Variants in COA1 observed in about 807,000 individuals in gnomAD.
The protein encoded by COA1 is cytochrome c oxidase assembly factor 1 homolog.
COA1 carries 13 observed loss-of-function variants against 16.0 expected under a neutral mutation model. The ratio of observed to expected loss-of-function variants is 0.81; its 90% CI spans 0.53 to 1.29. The LOEUF is 1.29. Among genes scored for constraint, COA1 ranks in the 50% most tolerant of loss-of-function variants. COA1 has a pLI of 0.00. For synonymous variants in COA1, 65 were observed against 65.7 expected, an observed-to-expected ratio of 0.99 and a Z score of 0.05; for missense variants, 179 against 177.0, an observed-to-expected ratio of 1.01 and a Z score of -0.06.
At chr7:43,644,819 G>GAGAA (rs2088734003) in intron 4 of COA1, among the ~76,000 whole-genome samples, 5 of 147,342 alleles carry the variant, frequency 3.4e-5, no homozygotes. Context: ...GAGAGAGAGA[G>GAGAA]AGAGAGAGAG....
At chr7:43,663,687 A>ACACAC (rs34121130) in intron 1 of COA1, among the ~76,000 whole-genome samples, 3 of 129,264 alleles carry the variant, frequency 2.3e-5, no homozygotes, top group Admixed American at 8.1e-5. Flanking sequence ...AAAAAAAAAA[A>ACACAC]ACACACACAC....
In COA1 at chr7:43,673,956, A is replaced by G. The variant is rs187801444; in HGVS notation, c.-38-25304T>C. Among the ~76,000 whole-genome samples the G allele has an allele frequency of 2.3e-3, 335 of 147,064 alleles. 2 individuals are homozygous for G. The highest frequency in any genetic ancestry group is 7.8e-3 in the African/African-American group (323 of 41,344). The stretch of plus-strand genomic sequence containing the variant: ...GGAGCTAAACATTGGATATGTATAG[A>G]CACAAAGAAAGGCACAACAGACACC... On this transcript the variant is annotated intron_variant, in intron 1 of 5. Transcript: ENST00000223336.
intron 1 of COA1, among the ~76,000 whole-genome samples, chr7:43,727,577 T>C (rs892141480): frequency 6.6e-6 from 1 of 152,068 alleles, no homozygotes; most frequent in Non-Finnish European, 1.5e-5. Flanking sequence ...CAGATGAACA[T>C]GAATGTTAAG....
At chr7:43,702,667 G>A (rs2131432154) in intron 1 of COA1, among the ~76,000 whole-genome samples, 1 of 152,212 alleles carries the variant, frequency 6.6e-6, no homozygotes, top group Admixed American at 6.5e-5. Flanking sequence ...GTTCATAATA[G>A]TCTCTGAGGG....
At chr7:43,611,167 C>A (rs2082843674) in intron 6 of COA1, among the ~76,000 whole-genome samples, 1 of 152,176 alleles carries the variant, frequency 6.6e-6, no homozygotes, top group African/African-American at 2.4e-5. Context: ...TTGACTTCTA[C>A]AGCAAACTTG....
intron 1 of COA1, chr7:43,650,210 G>A (rs1049757199): frequency 6.6e-6 from 1 of 152,162 alleles, no homozygotes; most frequent in African/African-American, 2.4e-5. Flanking sequence ...GTGGGCAGAT[G>A]GGGGAGAGAA....
At chr7:43,682,836 T>A (rs1022665328) in intron 1 of COA1, among the ~76,000 whole-genome samples, 2 of 152,162 alleles carry the variant, frequency 1.3e-5, no homozygotes, top group Non-Finnish European at 2.9e-5. Flanking sequence ...GCTGATAGTT[T>A]GTTTTTTGGG....
At chr7:43,699,938 A>G (rs1202410928) in intron 1 of COA1, among the ~76,000 whole-genome samples, 1 of 152,148 alleles carries the variant, frequency 6.6e-6, no homozygotes, top group Non-Finnish European at 1.5e-5. Context: ...TCTAGTAGCT[A>G]TTAAGTATAC....
intron 6 of COA1, among the ~76,000 whole-genome samples, chr7:43,617,549 T>C (rs973941001): frequency 2.6e-5 from 4 of 152,078 alleles, no homozygotes; most frequent in Non-Finnish European, 5.9e-5. Context: ...GGGATGATCA[T>C]AGCATTCACT....
intron 6 of COA1, chr7:43,619,448 A>G: frequency 9.5e-7 from 1 of 1,053,090 alleles, no homozygotes; most frequent in South Asian, 1.6e-5. Flanking sequence ...CATAGGCAAT[A>G]AATTGTAAAA....
rs11977971 is a variant in COA1, at chr7:43,702,080, T to C, written c.-39+27349A>G. Among the ~76,000 whole-genome samples the C allele has an allele frequency of 7.1e-3, 1,078 of 152,206 alleles. 10 individuals are homozygous for C. Among genetic ancestry groups the C allele is most frequent in the African/African-American group, 0.025 (1,023 of 41,544 alleles). ...TCACTGTGCAGAAGCTCCTTACTTT[T>C]AGGTCTCGCTTATCTATTTTTGTTT... is the stretch of plus-strand genomic sequence containing the variant. On this transcript the variant is annotated intron_variant, in intron 1 of 5. Transcript: ENST00000223336.
intron 1 of COA1, among the ~76,000 whole-genome samples, chr7:43,663,833 C>A (rs1418002042): frequency 6.6e-6 from 1 of 151,896 alleles, no homozygotes; most frequent in Non-Finnish European, 1.5e-5. Context: ...TCATTTAGGC[C>A]AGGCACAGTG....
intron 6 of COA1, chr7:43,623,511 T>TAA (rs1167819224): frequency 6.9e-7 from 1 of 1,452,536 alleles, no homozygotes; most frequent in African/African-American, 1.4e-5. Context: ...TTTTATCTCT[T>TAA]AGAGCAAATT....
At chr7:43,676,768 C>T (rs771084041) in intron 1 of COA1, among the ~76,000 whole-genome samples, 8 of 151,258 alleles carry the variant, frequency 5.3e-5, no homozygotes, top group Non-Finnish European at 8.8e-5. Flanking sequence ...CACATTGTAC[C>T]CCATAAATAT....
At chr7:43,670,596 C>A (rs538224115) in intron 1 of COA1, among the ~76,000 whole-genome samples, 19 of 152,238 alleles carry the variant, frequency 1.2e-4, no homozygotes, top group African/African-American at 4.6e-4. Context: ...AGTGTTTAGC[C>A]TAGTCGGGTA....
At chr7:43,666,019 T>A (rs1043710526) in intron 1 of COA1, among the ~76,000 whole-genome samples, 6 of 152,314 alleles carry the variant, frequency 3.9e-5, no homozygotes, top group African/African-American at 1.4e-4. Flanking sequence ...GTGAGGGAGA[T>A]CTTCAGTCTA....
At chr7:43,715,628 C>G (rs1000966413) in intron 1 of COA1, among the ~76,000 whole-genome samples, 2 of 152,110 alleles carry the variant, frequency 1.3e-5, no homozygotes, top group African/African-American at 4.8e-5. Flanking sequence ...GTTGAAGTAT[C>G]CCACAAAAAC....
intron 1 of COA1, among the ~76,000 whole-genome samples, chr7:43,719,907 G>A (rs2095472320): frequency 6.6e-6 from 1 of 152,168 alleles, no homozygotes; most frequent in Admixed American, 6.5e-5. Context: ...AGAAAGAAGA[G>A]AGGCCACATC....
chr7:43,610,392 G>A (rs6968645), intron 6 of COA1, among the ~76,000 whole-genome samples: 25,911 of 146,886 alleles, frequency 0.18, 2,711 homozygotes, highest in East Asian at 0.33. Flanking sequence ...ATGGCCAGGT[G>A]TGGTGGCTCA....
Sources: gnomAD v4.1 joint callset for allele counts (sites outside exome capture counted in the v4.1 genomes callset) on GRCh38, gnomAD v4.1.1 for gene constraint, MANE v1.5 for transcripts, NCBI Gene and HGNC (gene_info 2026-07-23, HGNC 2026-07-21) for gene names.